ADAM12: variants seen among roughly 807,000 people sequenced by gnomAD.
ADAM12 encodes the protein disintegrin and metalloproteinase domain-containing protein 12.
Under a neutral mutation model 106.4 loss-of-function variants are expected in ADAM12, and 70 were observed. That is an observed-to-expected ratio of 0.66 (90% confidence interval 0.54 to 0.80). ADAM12 has a LOEUF of 0.80. ADAM12 is among the 30% of genes least tolerant of loss of function. ADAM12 has a pLI of 0.00. For missense variants in ADAM12, 1,010 were observed against 1,171.9 expected (o/e 0.86, Z 2.02); for synonymous variants, 420 against 433.5 (o/e 0.97, Z 0.39).
At chr10:126,127,034 G>C (rs997555662) in intron 5 of ADAM12, among the ~76,000 whole-genome samples, 5 of 152,210 alleles carry the variant, frequency 3.3e-5, no homozygotes, top group African/African-American at 1.2e-4. Context: ...ACCGTGGCTG[G>C]TGGCCAGTGG....
At chr10:126,284,677 C>T (rs984997923) in intron 2 of ADAM12, among the ~76,000 whole-genome samples, 11 of 152,214 alleles carry the variant, frequency 7.2e-5, no homozygotes, top group Admixed American at 1.3e-4. Flanking sequence ...CTCGAGCGAT[C>T]ACGGATGACT....
At chr10:126,187,084 T>A (rs1002536001) in intron 3 of ADAM12, among the ~76,000 whole-genome samples, 1 of 152,214 alleles carries the variant, frequency 6.6e-6, no homozygotes, top group Non-Finnish European at 1.5e-5. Context: ...GCTAATTACA[T>A]GAATGACAGA....
intron 2 of ADAM12, among the ~76,000 whole-genome samples, chr10:126,321,907 G>GC (rs1554866258): frequency 1.4e-5 from 2 of 141,028 alleles, no homozygotes; most frequent in African/African-American, 5.2e-5. Context: ...CTGGGGGTCG[G>GC]GGGGGGGGCT....
chr10:126,324,722 G>T (rs1299725535), intron 2 of ADAM12, among the ~76,000 whole-genome samples: 1 of 152,082 alleles, frequency 6.6e-6, no homozygotes, highest in Non-Finnish European at 1.5e-5. Flanking sequence ...ATCTTCTAGG[G>T]ACAATTAAAT....
intron 18 of ADAM12, chr10:126,041,872 T>A: frequency 7.5e-7 from 1 of 1,325,108 alleles, no homozygotes; most frequent in Non-Finnish European, 9.6e-7. Context: ...AACCTGCTAC[T>A]CTCTCAGGAG....
At chr10:126,354,013 G>GT (rs374198285) in intron 1 of ADAM12, among the ~76,000 whole-genome samples, 1 of 149,342 alleles carries the variant, frequency 6.7e-6, no homozygotes, top group East Asian at 2.0e-4. Flanking sequence ...TATTTGAAAT[G>GT]TTTTTTATAA....
At chr10:126,226,354 T>C (rs370263689) in intron 3 of ADAM12, among the ~76,000 whole-genome samples, 2 of 152,082 alleles carry the variant, frequency 1.3e-5, no homozygotes, top group Non-Finnish European at 2.9e-5. Context: ...GCGTGGCTGG[T>C]GGGCACATGC....
chr10:126,042,705 G>A (rs1042228858), intron 18 of ADAM12, among the ~76,000 whole-genome samples: 2 of 152,186 alleles, frequency 1.3e-5, no homozygotes, highest in African/African-American at 4.8e-5. Context: ...CCACACAGAT[G>A]TCGGCCTTTA....
intron 2 of ADAM12, among the ~76,000 whole-genome samples, chr10:126,291,685 A>C (rs1960155123): frequency 6.6e-6 from 1 of 152,150 alleles, no homozygotes; most frequent in South Asian, 2.1e-4. Flanking sequence ...AGGCTGGAGG[A>C]GAAGCTCCAC....
chr10:126,287,080 G>A (rs1261099920), intron 2 of ADAM12, among the ~76,000 whole-genome samples: 5 of 152,228 alleles, frequency 3.3e-5, no homozygotes, highest in East Asian at 3.9e-4. Context: ...CGTCGCTACC[G>A]GTGTGATTGT....
intron 6 of ADAM12, among the ~76,000 whole-genome samples, chr10:126,116,796 A>G (rs974555288): frequency 6.6e-6 from 1 of 152,192 alleles, no homozygotes; most frequent in African/African-American, 2.4e-5. Flanking sequence ...CGATAAGAGC[A>G]GTTTTAGGGG....
At chr10:126,092,726 C>A (rs1346924742) in intron 11 of ADAM12, among the ~76,000 whole-genome samples, 3 of 152,188 alleles carry the variant, frequency 2.0e-5, no homozygotes, top group Non-Finnish European at 2.9e-5. Flanking sequence ...CAGAAAGATG[C>A]CCCTGAAGCC....
At chr10:126,192,758 G>A (rs190404090) in intron 3 of ADAM12, among the ~76,000 whole-genome samples, 1 of 152,332 alleles carries the variant, frequency 6.6e-6, no homozygotes, top group East Asian at 1.9e-4. Context: ...ATTAAAGCAT[G>A]GAGGCCAGTG....
chr10:126,027,416 A>G (rs965172186), intron 21 of ADAM12, among the ~76,000 whole-genome samples: 1 of 83,872 alleles, frequency 1.2e-5, no homozygotes, highest in Non-Finnish European at 2.8e-5. Flanking sequence ...TGGGAGAGAT[A>G]AAAAAAAACC....
At chr10:126,217,518 C>T (rs1204502225) in intron 3 of ADAM12, among the ~76,000 whole-genome samples, 1 of 151,730 alleles carries the variant, frequency 6.6e-6, no homozygotes, top group Admixed American at 6.6e-5. Context: ...CAGGAATGCA[C>T]CACCATGCCC....
At chr10:126,136,902 T>C (rs962296930) in intron 4 of ADAM12, among the ~76,000 whole-genome samples, 5 of 152,212 alleles carry the variant, frequency 3.3e-5, no homozygotes, top group Admixed American at 1.3e-4. Context: ...TGTTATTACA[T>C]GGGAAATGTC....
intron 5 of ADAM12, among the ~76,000 whole-genome samples, chr10:126,121,485 ATGT>A (rs1956113347): frequency 1.1e-5 from 1 of 90,474 alleles, no homozygotes; most frequent in Admixed American, 1.3e-4. Context: ...ATTATATAAT[ATGT>A]AACAATATAT....
intron 14 of ADAM12, among the ~76,000 whole-genome samples, chr10:126,050,168 A>G (rs1954443297): frequency 6.6e-6 from 1 of 152,244 alleles, no homozygotes; most frequent in Non-Finnish European, 1.5e-5. Flanking sequence ...GCTCCCTATA[A>G]GAGAAAGTAC....
chr10:126,249,843 A>G (rs1185359138), intron 3 of ADAM12, among the ~76,000 whole-genome samples: 1 of 152,170 alleles, frequency 6.6e-6, no homozygotes, highest in African/African-American at 2.4e-5. Flanking sequence ...TTACATGCAT[A>G]AGACATACAG....
Sources: allele counts gnomAD v4.1 joint callset (sites outside exome capture counted in the v4.1 genomes callset), GRCh38; gene constraint gnomAD v4.1.1; transcripts MANE v1.5; gene names NCBI Gene and HGNC (gene_info 2026-07-23, HGNC 2026-07-21).